The following SGIP1 variants were observed in gnomAD, a reference collection of about 807,000 sequenced individuals.
SGIP1 encodes the protein SH3-containing GRB2-like protein 3-interacting protein 1.
Under a neutral mutation model 107.5 loss-of-function variants are expected in SGIP1, and 38 were observed. The observed-to-expected ratio is 0.35, with a 90% confidence interval of 0.27 to 0.46. SGIP1 has a LOEUF of 0.46. SGIP1 is among the 20% of genes least tolerant of loss of function. The probability of loss-of-function intolerance (pLI) is 1.00; values close to 1 mark genes in which losing one functional copy is unlikely to be tolerated. For synonymous variants in SGIP1, 365 were observed against 366.1 expected, an observed-to-expected ratio of 1.00 and a Z score of 0.03; for missense variants, 929 against 1,019.5, an observed-to-expected ratio of 0.91 and a Z score of 1.21.
chr1:66,696,499 A>G lies in SGIP1; in HGVS notation c.1630+1006A>G, dbSNP rs2090951614. On this transcript the variant is annotated intron_variant, in intron 18 of 24. Coordinates refer to ENST00000371037, the MANE Select transcript of SGIP1 (RefSeq NM_032291.4). ...TAACTTGAGTGTGTGTTTTAATGCA[A>G]CTTTAAAAATCAGAATGGCTGATAT... 2.6e-5 allele frequency among the ~76,000 whole-genome samples: 4 copies of G among 152,326 alleles called. No homozygotes were observed. In the East Asian group the frequency reaches 7.7e-4, roughly 29 times the overall value.
chr1:66,706,661 A>G (rs1165346700), intron 18 of SGIP1, among the ~76,000 whole-genome samples: 1 of 151,876 alleles, frequency 6.6e-6, no homozygotes, highest in Non-Finnish European at 1.5e-5. Context: ...ACACATACAC[A>G]TTATAGAAAA....
chr1:66,743,229 T>C lies in SGIP1; in HGVS notation c.*134T>C. The C allele has an allele frequency of 1.2e-6, 1 of 815,118 alleles. No individual in the cohort carries two copies. Among genetic ancestry groups the C allele is most frequent in the Non-Finnish European group, 2.0e-6 (1 of 505,602 alleles). 50.5% of individuals were successfully genotyped at this position (815,118 alleles called of 1,614,324 possible). Reference sequence around the variant, plus strand: ...TATATCAGGTGGAAAGTCAATGACTTTCATCTGTGATTTCCCTCACACACT... The same window carrying C: ...TATATCAGGTGGAAAGTCAATGACTCTCATCTGTGATTTCCCTCACACACT... On this transcript the variant is annotated 3_prime_UTR_variant, in exon 25 of 25. Transcript: ENST00000371037.
At position 66,607,555 on chromosome 1, in the gene SGIP1, C is replaced by G. The variant is rs369741312; in HGVS notation, c.11-18292C>G. Among the ~76,000 whole-genome samples the G allele has an allele frequency of 3.3e-5, 5 of 152,292 alleles. No individual in the cohort carries two copies. The East Asian group carries it at 7.7e-4, about 24-fold the overall frequency. On this transcript the variant is annotated intron_variant, in intron 1 of 24. Transcript: ENST00000371037. ...TGTCACTCTGTCACTAAAATAAAAACTGACAATTCAGAGATAGAAACAGTA... is the reference window on the plus strand; with the variant it reads ...TGTCACTCTGTCACTAAAATAAAAAGTGACAATTCAGAGATAGAAACAGTA...
chr1:66,741,991 C>A (rs934146384), intron 24 of SGIP1, among the ~76,000 whole-genome samples: 4 of 152,062 alleles, frequency 2.6e-5, no homozygotes, highest in African/African-American at 9.7e-5. Context: ...TGGTCTTGAA[C>A]CCCTGAGCTC....
chr1:66,683,792 C>T (rs963337466), intron 15 of SGIP1, among the ~76,000 whole-genome samples: 3 of 142,428 alleles, frequency 2.1e-5, no homozygotes, highest in Non-Finnish European at 4.5e-5. Context: ...GTAACCTCCG[C>T]CTCCGGGTTC....
chr1:66,616,447 T>A (rs894724721), intron 1 of SGIP1, among the ~76,000 whole-genome samples: 17 of 152,288 alleles, frequency 1.1e-4, no homozygotes, highest in African/African-American at 3.8e-4. Flanking sequence ...ATTTTAGGTG[T>A]CGTACTGGGT....
chr1:66,631,482 A>AT (rs2074673442), intron 2 of SGIP1, among the ~76,000 whole-genome samples: 1 of 152,122 alleles, frequency 6.6e-6, no homozygotes, highest in Admixed American at 6.5e-5. Flanking sequence ...TGTATCACTG[A>AT]TTCACCTCTG....
chr1:66,558,712 G>A (rs7519639), intron 1 of SGIP1, among the ~76,000 whole-genome samples: 21,803 of 151,452 alleles, frequency 0.14, 1,995 homozygotes, highest in East Asian at 0.32. Flanking sequence ...TTGTGGGTTA[G>A]CTTAGCCTTC....
intron 7 of SGIP1, among the ~76,000 whole-genome samples, chr1:66,649,552 C>T (rs1004749569): frequency 6.6e-6 from 1 of 152,212 alleles, no homozygotes; most frequent in South Asian, 2.1e-4. Context: ...AGATGCAACA[C>T]GAACAGTTCT....
chr1:66,665,775 A>C (rs1047673453), intron 8 of SGIP1: 1 of 152,168 alleles, frequency 6.6e-6, no homozygotes, highest in Non-Finnish European at 1.5e-5. Flanking sequence ...TCTTCTTTTG[A>C]GAAGTGTCTG....
chr1:66,654,884 A>G (rs1335222145), intron 7 of SGIP1, among the ~76,000 whole-genome samples: 2 of 152,250 alleles, frequency 1.3e-5, no homozygotes, highest in Admixed American at 6.5e-5. Context: ...CAACAGAGAC[A>G]GAGGGCAGAT....
At chr1:66,617,746 G>A (rs1234697213) in intron 1 of SGIP1, among the ~76,000 whole-genome samples, 1 of 152,036 alleles carries the variant, frequency 6.6e-6, no homozygotes, top group African/African-American at 2.4e-5. Context: ...TGTTCACTGG[G>A]CAGTATATAA....
At chr1:66,676,800 C>T (rs1383759930) in intron 12 of SGIP1, among the ~76,000 whole-genome samples, 1 of 152,022 alleles carries the variant, frequency 6.6e-6, no homozygotes, top group Admixed American at 6.6e-5. Context: ...CACAGACACT[C>T]CTCCCACCCA....
chr1:66,647,768 A>G (rs1367768721), intron 7 of SGIP1, among the ~76,000 whole-genome samples: 1 of 152,184 alleles, frequency 6.6e-6, no homozygotes, highest in African/African-American at 2.4e-5. Flanking sequence ...CCCTCTGTTT[A>G]TGCAGGTTCA....
chr1:66,558,643 A>G (rs543388218), intron 1 of SGIP1, among the ~76,000 whole-genome samples: 2 of 151,946 alleles, frequency 1.3e-5, no homozygotes, highest in East Asian at 1.9e-4. Flanking sequence ...GCCTCAAAAC[A>G]AGTCACAGAA....
At chr1:66,561,942 G>A (rs1413209199) in intron 1 of SGIP1, among the ~76,000 whole-genome samples, 1 of 151,956 alleles carries the variant, frequency 6.6e-6, no homozygotes, top group African/African-American at 2.4e-5. Flanking sequence ...ATTAAATTTT[G>A]CTTCCCGTTT....
intron 1 of SGIP1, among the ~76,000 whole-genome samples, chr1:66,591,354 T>A (rs1017200350): frequency 2.0e-5 from 3 of 152,242 alleles, no homozygotes; most frequent in African/African-American, 7.2e-5. Context: ...GTTAGAATGA[T>A]CTAGGTGATG....
At chr1:66,712,638 C>T (rs987867373) in intron 18 of SGIP1, among the ~76,000 whole-genome samples, 1 of 152,070 alleles carries the variant, frequency 6.6e-6, no homozygotes, top group African/African-American at 2.4e-5. Flanking sequence ...TAAACACTTA[C>T]ATATACAGTC....
chr1:66,727,736 T>A (rs940178268), intron 19 of SGIP1, among the ~76,000 whole-genome samples: 2 of 152,138 alleles, frequency 1.3e-5, no homozygotes, highest in African/African-American at 4.8e-5. Context: ...CATGAACAAG[T>A]CTCAAAATAA....
Sources: allele counts gnomAD v4.1 joint callset (sites outside exome capture counted in the v4.1 genomes callset), GRCh38; gene constraint gnomAD v4.1.1; transcripts MANE v1.5; gene names NCBI Gene and HGNC (gene_info 2026-07-23, HGNC 2026-07-21).